PIP4K2A: variants seen among roughly 807,000 people sequenced by gnomAD.
PIP4K2A encodes phosphatidylinositol 5-phosphate 4-kinase type-2 alpha.
PIP4K2A carries 14 observed loss-of-function variants against 42.9 expected under a neutral mutation model. The observed-to-expected ratio is 0.33, with a 90% CI of 0.22 to 0.51. The LOEUF (loss-of-function observed/expected upper bound fraction) is 0.51. Among genes scored for constraint, PIP4K2A ranks in the 20% least tolerant of loss-of-function variants. The pLI is 0.97. For missense variants in PIP4K2A, 434 were observed against 519.8 expected (o/e 0.83, Z 1.61); for synonymous variants, 192 against 192.2 (o/e 1.00, Z 0.01).
intron 8 of PIP4K2A, 127 bp downstream of exon 8, chr10:22,541,677 T>C: frequency 9.3e-7 from 1 of 1,081,050 alleles, no homozygotes; most frequent in Non-Finnish European, 1.3e-6. Flanking sequence ...AATCCATTTC[T>C]TTGGAGTTTG....
chr10:22,588,606 C>T (rs1837448106), intron 4 of PIP4K2A, among the ~76,000 whole-genome samples: 1 of 152,040 alleles, frequency 6.6e-6, no homozygotes, highest in Non-Finnish European at 1.5e-5. Context: ...TAAATCCTTT[C>T]TGGAATAAGG....
chr10:22,663,224 C>G (rs911542251), intron 1 of PIP4K2A, among the ~76,000 whole-genome samples: 1 of 152,204 alleles, frequency 6.6e-6, no homozygotes, highest in Non-Finnish European at 1.5e-5. Context: ...ATAAATGACT[C>G]TTTGTTGTGA....
At chr10:22,648,365 A>G (rs561481069) in intron 1 of PIP4K2A, among the ~76,000 whole-genome samples, 4 of 152,242 alleles carry the variant, frequency 2.6e-5, no homozygotes, top group African/African-American at 4.8e-5. Flanking sequence ...AGCTGACATT[A>G]AATGGCCCTC....
chr10:22,598,896 T>C (rs1334586669), intron 3 of PIP4K2A, among the ~76,000 whole-genome samples: 26 of 152,232 alleles, frequency 1.7e-4, no homozygotes, highest in Admixed American at 1.4e-3. Flanking sequence ...AAAAATACAC[T>C]TTCTTCATTG....
At chr10:22,678,133 T>C (rs944883325) in intron 1 of PIP4K2A, among the ~76,000 whole-genome samples, 1 of 152,118 alleles carries the variant, frequency 6.6e-6, no homozygotes, top group Non-Finnish European at 1.5e-5. Flanking sequence ...TTTTAATTGC[T>C]GGACTTTAAA....
chr10:22,535,945 T>G lies in PIP4K2A; in HGVS notation c.*1256A>C. ...AAGACTGTCTACCATGTACTTTGAC[T>G]AAAACACTCACGTAAAAACATGGCT... On this transcript the variant is annotated 3_prime_UTR_variant, in exon 10 of 10. Coordinates refer to ENST00000376573, the MANE Select transcript of PIP4K2A (RefSeq NM_005028.5). The G allele has an allele frequency of 2.5e-6, 1 of 394,098 alleles. No individual in the cohort carries two copies. The highest frequency in any genetic ancestry group is 4.5e-6 in the Non-Finnish European group (1 of 223,572). 24.4% of individuals were successfully genotyped at this position (394,098 alleles called of 1,614,324 possible).
At chr10:22,678,288 G>A (rs761168032) in intron 1 of PIP4K2A, among the ~76,000 whole-genome samples, 1 of 151,952 alleles carries the variant, frequency 6.6e-6, no homozygotes, top group Non-Finnish European at 1.5e-5. Context: ...TCATACACCA[G>A]CAGATACGGC....
intron 1 of PIP4K2A, among the ~76,000 whole-genome samples, chr10:22,686,460 A>G (rs939650480): frequency 1.3e-5 from 2 of 152,006 alleles, no homozygotes; most frequent in Non-Finnish European, 2.9e-5. Flanking sequence ...AGCAAGCTCT[A>G]TTTTCTTCTT....
chr10:22,538,720 C>T (rs958668262), intron 9 of PIP4K2A, among the ~76,000 whole-genome samples: 10 of 152,032 alleles, frequency 6.6e-5, no homozygotes, highest in African/African-American at 2.2e-4. Context: ...GCACCTGGTG[C>T]GGATGTTTGT....
intron 1 of PIP4K2A, among the ~76,000 whole-genome samples, chr10:22,647,599 A>G (rs934797695): frequency 1.3e-5 from 2 of 152,214 alleles, no homozygotes; most frequent in South Asian, 4.1e-4. Flanking sequence ...ATTCAACAAC[A>G]TGGAAAAACA....
At chr10:22,706,542 C>T (rs2130924931) in intron 1 of PIP4K2A, among the ~76,000 whole-genome samples, 1 of 152,294 alleles carries the variant, frequency 6.6e-6, no homozygotes, top group Admixed American at 6.5e-5. Context: ...ACCTTCCACC[C>T]CTAGCATTCT....
At position 22,574,045 on chromosome 10, in the gene PIP4K2A, T is replaced by C. The variant is rs567314115; in HGVS notation, c.493-588A>G. On this transcript the variant is annotated intron_variant, in intron 4 of 9. Coordinates refer to ENST00000376573, the MANE Select transcript of PIP4K2A (RefSeq NM_005028.5). ...GGGGACTGCCTTGTCCCTGCTGGTT[T>C]CCACCAAGTTAACTGGACAAGCCCA... Among the ~76,000 whole-genome samples, 7 of 152,358 alleles carry C rather than the reference T, an allele frequency of 4.6e-5. No individual in the cohort carries two copies. The East Asian group carries it at 1.2e-3, about 25-fold the overall frequency.
intron 1 of PIP4K2A, among the ~76,000 whole-genome samples, chr10:22,629,589 A>G (rs1022588263): frequency 5.3e-5 from 8 of 152,244 alleles, no homozygotes; most frequent in Admixed American, 3.9e-4. Context: ...GACATATACT[A>G]AAAGTAAAAT....
At chr10:22,579,254 A>T (rs1434785498) in intron 4 of PIP4K2A, among the ~76,000 whole-genome samples, 2 of 152,216 alleles carry the variant, frequency 1.3e-5, no homozygotes, top group Non-Finnish European at 1.5e-5. Context: ...TGTACCACGC[A>T]ATGTATCCTC....
At chr10:22,611,304 C>G (rs1489515506) in intron 1 of PIP4K2A, among the ~76,000 whole-genome samples, 1 of 151,898 alleles carries the variant, frequency 6.6e-6, no homozygotes. Context: ...GAAGGAAGAT[C>G]ACTTGTATCC....
intron 1 of PIP4K2A, among the ~76,000 whole-genome samples, chr10:22,672,512 A>T (rs1175785813): frequency 1.3e-5 from 2 of 152,220 alleles, no homozygotes; most frequent in Admixed American, 1.3e-4. Flanking sequence ...TGAATGTCAC[A>T]GGTGTACTTG....
chr10:22,604,798 G>C (rs1837871471), intron 3 of PIP4K2A, among the ~76,000 whole-genome samples: 1 of 152,198 alleles, frequency 6.6e-6, no homozygotes, highest in Non-Finnish European at 1.5e-5. Context: ...GTTGCTTTTA[G>C]TCATTTGGCG....
intron 4 of PIP4K2A, among the ~76,000 whole-genome samples, chr10:22,590,351 C>G (rs369770624): frequency 5.9e-5 from 9 of 152,118 alleles, no homozygotes; most frequent in African/African-American, 2.2e-4. Context: ...ATGTTCATAC[C>G]ATATGACTAC....
chr10:22,603,029 C>T (rs1401126802), intron 3 of PIP4K2A, among the ~76,000 whole-genome samples: 2 of 152,126 alleles, frequency 1.3e-5, no homozygotes, highest in African/African-American at 2.4e-5. Flanking sequence ...TTCCTGCTGC[C>T]CCACTTCAAG....
Sources: gnomAD v4.1 joint callset for allele counts (sites outside exome capture counted in the v4.1 genomes callset) on GRCh38, gnomAD v4.1.1 for gene constraint, MANE v1.5 for transcripts, NCBI Gene and HGNC (gene_info 2026-07-23, HGNC 2026-07-21) for gene names.